The following PPA2 variants were observed in gnomAD, a reference collection of about 807,000 sequenced individuals.
PPA2 encodes the protein inorganic pyrophosphatase 2, mitochondrial.
A neutral mutation model predicts 49.5 loss-of-function variants in PPA2; 48 were observed. The observed-to-expected ratio is 0.97, with a 90% CI of 0.77 to 1.23. The LOEUF (loss-of-function observed/expected upper bound fraction) is 1.23. PPA2 is among the 50% of genes most tolerant of loss of function. The pLI is 0.00. For missense variants in PPA2, 429 were observed against 410.1 expected, an observed-to-expected ratio of 1.05 and a Z score of -0.40; for synonymous variants, 131 against 139.9, an observed-to-expected ratio of 0.94 and a Z score of 0.45.
chr4:105,434,682 T>C (rs532234739), intron 6 of PPA2, among the ~76,000 whole-genome samples: 8 of 152,340 alleles, frequency 5.3e-5, no homozygotes, highest in African/African-American at 1.9e-4. Context: ...ATTCACAAAA[T>C]TTATTTTAAA....
chr4:105,380,796 T>C (rs114497385), intron 10 of PPA2, among the ~76,000 whole-genome samples: 2,716 of 152,110 alleles, frequency 0.018, 55 homozygotes, highest in African/African-American at 0.056. Flanking sequence ...GTACATACTA[T>C]ATGTGTCCTG....
At chr4:105,461,309 T>C (rs563754190) in intron 1 of PPA2, among the ~76,000 whole-genome samples, 1 of 152,278 alleles carries the variant, frequency 6.6e-6, no homozygotes, top group African/African-American at 2.4e-5. Flanking sequence ...GATCTGAGGG[T>C]GGAGTTTTCA....
intron 5 of PPA2, among the ~76,000 whole-genome samples, chr4:105,438,508 C>A (rs1400599974): frequency 2.6e-5 from 4 of 152,146 alleles, no homozygotes. Flanking sequence ...CAAAACACTA[C>A]TAAAGAAAAT....
At chr4:105,442,229 T>A (rs189781135) in intron 5 of PPA2, among the ~76,000 whole-genome samples, 1 of 152,262 alleles carries the variant, frequency 6.6e-6, no homozygotes, top group Non-Finnish European at 1.5e-5. Context: ...GTAGCTAACA[T>A]CAGTAGCAAT....
intron 5 of PPA2, among the ~76,000 whole-genome samples, chr4:105,440,534 T>C (rs1177745351): frequency 6.6e-6 from 1 of 152,166 alleles, no homozygotes; most frequent in Non-Finnish European, 1.5e-5. Context: ...GTGCTGGGAT[T>C]ACAAGCGTGA....
chr4:105,469,379 G>A (rs993272234), intron 1 of PPA2, among the ~76,000 whole-genome samples: 2 of 152,216 alleles, frequency 1.3e-5, no homozygotes, highest in African/African-American at 4.8e-5. Context: ...TCTCACAAGA[G>A]CAAGTTGTAT....
At chr4:105,457,614 C>A (rs970826269) in intron 1 of PPA2, among the ~76,000 whole-genome samples, 7 of 151,914 alleles carry the variant, frequency 4.6e-5, no homozygotes, top group African/African-American at 1.5e-4. Context: ...TTTTTTGAGA[C>A]AGGGTCTGGA....
intron 7 of PPA2, among the ~76,000 whole-genome samples, chr4:105,402,338 T>C (rs1342450095): frequency 2.0e-5 from 3 of 152,018 alleles, no homozygotes; most frequent in African/African-American, 7.2e-5. Flanking sequence ...GTTATGCATA[T>C]AGGCTGCTTT....
chr4:105,370,606 G>A lies in PPA2; in HGVS notation c.976+231C>T, dbSNP rs189943837. ...TACTTCAGCGAAAAAAAAAGTCACC[G>A]TACAATCAAATCATTTTCTAACCTA... On this transcript the variant is annotated intron_variant, in intron 11 of 11. Transcript: ENST00000341695. 1,193 of 977,574 alleles carry A rather than the reference G, an allele frequency of 1.2e-3. 7 individuals are homozygous for A. The African/African-American group carries it at 0.016, about 14-fold the overall frequency. The allele number at this position is 977,574 out of a possible 1,614,324, so 60.6% of individuals were successfully genotyped here.
intron 11 of PPA2, chr4:105,370,533 T>C: frequency 6.7e-6 from 6 of 898,568 alleles, no homozygotes; most frequent in Non-Finnish European, 8.0e-6. Context: ...TTTTTTTTAA[T>C]TAAATCTTTT....
At chr4:105,464,777 A>G (rs775620039) in intron 1 of PPA2, among the ~76,000 whole-genome samples, 6 of 152,174 alleles carry the variant, frequency 3.9e-5, no homozygotes, top group Non-Finnish European at 7.3e-5. Context: ...CATGATTGTG[A>G]GGCCTCCCCA....
intron 6 of PPA2, among the ~76,000 whole-genome samples, chr4:105,426,770 C>A (rs1434568285): frequency 1.3e-5 from 2 of 152,230 alleles, no homozygotes; most frequent in African/African-American, 4.8e-5. Flanking sequence ...ACCTCTGGGG[C>A]AGAGCACATC....
chr4:105,432,906 A>G (rs147405949), intron 6 of PPA2, among the ~76,000 whole-genome samples: 45 of 152,282 alleles, frequency 3.0e-4, no homozygotes, highest in Non-Finnish European at 4.7e-4. Flanking sequence ...CTTACTAGCA[A>G]TGTAAGTTTG....
intron 1 of PPA2, among the ~76,000 whole-genome samples, chr4:105,458,666 A>G (rs1458429467): frequency 6.6e-6 from 1 of 151,896 alleles, no homozygotes; most frequent in African/African-American, 2.4e-5. Context: ...TACTAAAAAT[A>G]CAAAAATTAG....
intron 6 of PPA2, among the ~76,000 whole-genome samples, chr4:105,428,526 C>CAAA (rs35821105): frequency 2.8e-5 from 4 of 144,068 alleles, no homozygotes; most frequent in Non-Finnish European, 3.0e-5. Context: ...AAATGGAAAG[C>CAAA]AAAAAAAAAA....
At chr4:105,415,874 A>T (rs967843075) in intron 7 of PPA2, among the ~76,000 whole-genome samples, 2 of 152,244 alleles carry the variant, frequency 1.3e-5, no homozygotes, top group African/African-American at 4.8e-5. Context: ...TAAAAGGTTA[A>T]GTAATTTGCT....
intron 6 of PPA2, among the ~76,000 whole-genome samples, chr4:105,424,854 T>C (rs551237625): frequency 9.8e-5 from 15 of 152,324 alleles, no homozygotes; most frequent in African/African-American, 3.4e-4. Flanking sequence ...TAGGGGTTCC[T>C]TTGAGACACG....
At chr4:105,445,367 G>A (rs1724561386) in intron 5 of PPA2, among the ~76,000 whole-genome samples, 1 of 152,068 alleles carries the variant, frequency 6.6e-6, no homozygotes, top group African/African-American at 2.4e-5. Flanking sequence ...CTGCTTTCAT[G>A]GTTTCCACAG....
chr4:105,443,591 TCACA>T (rs56765056), intron 5 of PPA2, among the ~76,000 whole-genome samples: 6,096 of 145,410 alleles, frequency 0.042, 278 homozygotes, highest in African/African-American at 0.12. Flanking sequence ...TATGGTGTAT[TCACA>T]CACACACACA....
Sources: allele counts gnomAD v4.1 joint callset (sites outside exome capture counted in the v4.1 genomes callset), GRCh38; gene constraint gnomAD v4.1.1; transcripts MANE v1.5; gene names NCBI Gene and HGNC (gene_info 2026-07-23, HGNC 2026-07-21).